PRLR: variants seen among roughly 807,000 people sequenced by gnomAD.
PRLR encodes prolactin receptor.
A neutral mutation model predicts 40.2 loss-of-function variants in PRLR; 13 were observed. The ratio of observed to expected loss-of-function variants is 0.32; its 90% CI spans 0.21 to 0.51. PRLR has a LOEUF of 0.51. Among genes scored for constraint, PRLR ranks in the 20% least tolerant of loss-of-function variants. The probability of loss-of-function intolerance (pLI) is 0.97; values close to 1 mark genes in which losing one functional copy is unlikely to be tolerated. For synonymous variants in PRLR, 269 were observed against 278.7 expected (o/e 0.97, Z 0.35); for missense variants, 656 against 747.3 (o/e 0.88, Z 1.42).
intron 1 of PRLR, among the ~76,000 whole-genome samples, chr5:35,125,774 A>T (rs2111750255): frequency 6.6e-6 from 1 of 152,338 alleles, no homozygotes; most frequent in South Asian, 2.1e-4. Flanking sequence ...ATTTAAGATC[A>T]GTAGCCAAAA....
At chr5:35,068,132 C>T in intron 9 of PRLR, 84 bp downstream of exon 9, 1 of 1,280,052 alleles carries the variant, frequency 7.8e-7, no homozygotes, top group Admixed American at 1.7e-5. Flanking sequence ...CCAGGCTGAA[C>T]TGACGGGGAC....
At chr5:35,192,949 T>C (rs1404556340) in intron 1 of PRLR, among the ~76,000 whole-genome samples, 1 of 152,106 alleles carries the variant, frequency 6.6e-6, no homozygotes, top group African/African-American at 2.4e-5. Context: ...GAGATCTGAG[T>C]GTGGTTTTTT....
At chr5:35,183,293 C>T (rs2111983359) in intron 1 of PRLR, among the ~76,000 whole-genome samples, 1 of 152,336 alleles carries the variant, frequency 6.6e-6, no homozygotes, top group African/African-American at 2.4e-5. Context: ...AACAGACAGT[C>T]ACCACGTTCC....
rs1769262586 is a variant in PRLR, at chr5:35,064,992, A to G, written c.*97T>C. ...CATGAAAGGAGCTGGGAGCTTTAGT[A>G]GTGTCAGTCTGACTACATTCTTGAG... On this transcript the variant is annotated 3_prime_UTR_variant, in exon 10 of 10. Transcript: ENST00000618457. The G allele has an allele frequency of 2.2e-6, 3 of 1,346,776 alleles. No homozygotes were observed. The highest frequency in any genetic ancestry group is 4.8e-5 in the Admixed American group (2 of 41,340). 83.4% of individuals were successfully genotyped at this position (1,346,776 alleles called of 1,614,324 possible). A position where few individuals can be genotyped will look rare whatever the true frequency, so the allele number is the denominator to read the frequency against.
At chr5:35,111,890 T>C (rs1370552156) in intron 2 of PRLR, among the ~76,000 whole-genome samples, 1 of 152,210 alleles carries the variant, frequency 6.6e-6, no homozygotes. Flanking sequence ...ATGTGATTAC[T>C]TTTGTAATAA....
chr5:35,080,289 A>G (rs185905540), intron 5 of PRLR, among the ~76,000 whole-genome samples: 276 of 152,340 alleles, frequency 1.8e-3, no homozygotes, highest in African/African-American at 6.4e-3. Context: ...CAATCTACCC[A>G]TCTGACAAAG....
At chr5:35,212,337 T>C (rs56015902) in intron 1 of PRLR, among the ~76,000 whole-genome samples, 14,772 of 152,320 alleles carry the variant, frequency 0.097, 933 homozygotes, top group Non-Finnish European at 0.13. Context: ...TAGCTGTTTT[T>C]GATGCCTTTC....
At position 35,059,253 on chromosome 5, in the gene PRLR, G is replaced by A. The variant is rs1768896884; in HGVS notation, c.*5836C>T. On this transcript the variant is annotated 3_prime_UTR_variant, in exon 10 of 10. Coordinates refer to ENST00000618457, the MANE Select transcript of PRLR (RefSeq NM_000949.7). ...ATTAATAGTCTAAGATGATCTGAGA[G>A]TTAATTAATAGACTAAGATTATCTG... The A allele has an allele frequency of 6.6e-6, 1 of 152,124 alleles. No individual in the cohort carries two copies. The highest frequency in any genetic ancestry group is 1.5e-5 in the Non-Finnish European group (1 of 68,022). The allele number at this position is 152,124 out of a possible 1,614,324, so 9.4% of individuals were successfully genotyped here.
At chr5:35,225,173 A>G in intron 1 of PRLR, among the ~76,000 whole-genome samples, 1 of 152,260 alleles carries the variant, frequency 6.6e-6, no homozygotes, top group Non-Finnish European at 1.5e-5. Context: ...CTTTAAATCC[A>G]GATTTAAAAT....
At chr5:35,228,306 G>A (rs577773371) in intron 1 of PRLR, among the ~76,000 whole-genome samples, 11 of 149,786 alleles carry the variant, frequency 7.3e-5, no homozygotes, top group African/African-American at 2.7e-4. Flanking sequence ...GGAAAACTCA[G>A]AGGCTTGCTC....
At chr5:35,227,137 T>G (rs1776573543) in intron 1 of PRLR, among the ~76,000 whole-genome samples, 1 of 152,240 alleles carries the variant, frequency 6.6e-6, no homozygotes, top group Non-Finnish European at 1.5e-5. Flanking sequence ...GGGTCAGGAA[T>G]ATTATCCTCC....
intron 2 of PRLR, among the ~76,000 whole-genome samples, chr5:35,112,609 G>A (rs1299145579): frequency 6.6e-6 from 1 of 152,072 alleles, no homozygotes; most frequent in Non-Finnish European, 1.5e-5. Flanking sequence ...CCTATTGCCA[G>A]GGGTTTGAGC....
At position 35,061,122 on chromosome 5, in the gene PRLR, CTATATA is replaced by C. The variant is rs376150561; in HGVS notation, c.*3961_*3966del. On this transcript the variant is annotated 3_prime_UTR_variant, in exon 10 of 10. Coordinates refer to ENST00000618457, the MANE Select transcript of PRLR (RefSeq NM_000949.7). The stretch of plus-strand genomic sequence containing the variant: ...CATTCATACATATCTATATCTATAT[CTATATA>C]TATATATAATCCCTATAAGGCAAAT... 1 of 150,748 alleles carries C rather than the reference CTATATA, an allele frequency of 6.6e-6. No individual in the cohort carries two copies. Among genetic ancestry groups the C allele is most frequent in the Non-Finnish European group, 1.5e-5 (1 of 67,664 alleles). The allele number at this position is 150,748 out of a possible 1,614,324, so 9.3% of individuals were successfully genotyped here. A position where few individuals can be genotyped will look rare whatever the true frequency, so the allele number is the denominator to read the frequency against.
Position 35,222,657 on chromosome 5 carries a change from A to G in PRLR, c.-106+7611T>C, listed in dbSNP as rs530909150. Among the ~76,000 whole-genome samples, 222 of 152,314 alleles carry G rather than the reference A, an allele frequency of 1.5e-3. 2 individuals are homozygous for G. In the Middle Eastern group the frequency reaches 0.017, roughly 12 times the overall value. ...TCATCTTCACCTACTGATCTGTGAC[A>G]CTGATTCATTCATGTAAGAAATAAC... On this transcript the variant is annotated intron_variant, in intron 1 of 9. Coordinates refer to ENST00000618457, the MANE Select transcript of PRLR (RefSeq NM_000949.7).
At chr5:35,136,949 A>AGAAAAAG (rs148481280) in intron 1 of PRLR, among the ~76,000 whole-genome samples, 8,626 of 145,076 alleles carry the variant, frequency 0.059, 411 homozygotes, top group African/African-American at 0.13. Context: ...AGAAAGAAAA[A>AGAAAAAG]GAAAAAAAAA....
intron 1 of PRLR, among the ~76,000 whole-genome samples, chr5:35,217,927 G>A (rs1014333465): frequency 4.6e-5 from 7 of 152,050 alleles, no homozygotes; most frequent in Admixed American, 1.3e-4. Context: ...TTTTAGCTTA[G>A]GACATACCTA....
At chr5:35,071,164 C>T (rs1219106105) in intron 6 of PRLR, among the ~76,000 whole-genome samples, 2 of 152,144 alleles carry the variant, frequency 1.3e-5, no homozygotes, top group Non-Finnish European at 2.9e-5. Context: ...AAAAATTGTT[C>T]AACCTACATC....
intron 2 of PRLR, among the ~76,000 whole-genome samples, chr5:35,105,278 G>T (rs1772161814): frequency 6.6e-6 from 1 of 152,228 alleles, no homozygotes; most frequent in Non-Finnish European, 1.5e-5. Flanking sequence ...AGAAACCAGA[G>T]CAGAAAAGCT....
intron 1 of PRLR, among the ~76,000 whole-genome samples, chr5:35,156,290 C>T (rs1463561182): frequency 2.0e-5 from 3 of 151,992 alleles, no homozygotes; most frequent in Non-Finnish European, 4.4e-5. Flanking sequence ...TTACTTGCAC[C>T]ACCGAGGTCT....
Sources: gnomAD v4.1 joint callset for allele counts (sites outside exome capture counted in the v4.1 genomes callset) on GRCh38, gnomAD v4.1.1 for gene constraint, MANE v1.5 for transcripts, NCBI Gene and HGNC (gene_info 2026-07-23, HGNC 2026-07-21) for gene names.